The following ABCC9 variants were observed in gnomAD, a reference collection of about 807,000 sequenced individuals.
ABCC9 encodes the protein ATP binding cassette subfamily C member 9, also known as ATP-binding cassette sub-family C member 9.
ABCC9 carries 95 observed loss-of-function variants against 188.3 expected under a neutral mutation model. That is an observed-to-expected ratio of 0.50 (90% confidence interval 0.43 to 0.60). The LOEUF is 0.60. Ranked by LOEUF, ABCC9 falls within the 20% of genes least tolerant of loss-of-function variation. The pLI, the probability that ABCC9 is intolerant of heterozygous loss-of-function variation, is 0.00. For synonymous variants in ABCC9, 659 were observed against 652.7 expected, an observed-to-expected ratio of 1.01 and a Z score of -0.15; for missense variants, 1,102 against 1,876.3, an observed-to-expected ratio of 0.59 and a Z score of 7.62.
At chr12:21,882,265 G>A (rs753832868) in intron 16 of ABCC9, among the ~76,000 whole-genome samples, 7 of 152,114 alleles carry the variant, frequency 4.6e-5, no homozygotes, top group African/African-American at 1.4e-4. Context: ...CCCAACTCTC[G>A]GTTGCCTGTT....
rs142628035 is a variant in ABCC9 at position 21,868,362 on chromosome 12, G to A, written c.2199-3885C>T. Among the ~76,000 whole-genome samples, 1,087 of 152,242 alleles carry A rather than the reference G, an allele frequency of 7.1e-3. 12 individuals carry two copies. The highest frequency in any genetic ancestry group is 0.025 in the African/African-American group (1,037 of 41,530). On this transcript the variant is annotated intron_variant, in intron 18 of 39. Coordinates refer to ENST00000261200, the MANE Select transcript of ABCC9 (RefSeq NM_020297.4). Reference sequence around the variant, plus strand: ...ACATTCAAAAATAAAATTTATGGCCGGGCACGGTGGCTCACGCCTGTAATC... The same window carrying A: ...ACATTCAAAAATAAAATTTATGGCCAGGCACGGTGGCTCACGCCTGTAATC...
chr12:21,836,213 G>A (rs1459839644), intron 30 of ABCC9, among the ~76,000 whole-genome samples: 1 of 152,128 alleles, frequency 6.6e-6, no homozygotes, highest in Non-Finnish European at 1.5e-5. Context: ...CAGAGTTATT[G>A]TGATGAACAC....
intron 13 of ABCC9, among the ~76,000 whole-genome samples, chr12:21,894,437 T>C (rs191535951): frequency 7.2e-4 from 109 of 152,242 alleles, no homozygotes; most frequent in African/African-American, 2.6e-3. Flanking sequence ...CCCTGTCAGA[T>C]TGCTAAGTAG....
At chr12:21,899,418 C>A (rs1299104513) in intron 12 of ABCC9, among the ~76,000 whole-genome samples, 2 of 152,184 alleles carry the variant, frequency 1.3e-5, no homozygotes, top group Non-Finnish European at 2.9e-5. Flanking sequence ...GCATTTCCAA[C>A]TGAGGTACCA....
chr12:21,835,908 C>G (rs899996023), intron 30 of ABCC9, among the ~76,000 whole-genome samples: 34 of 152,158 alleles, frequency 2.2e-4, no homozygotes, highest in African/African-American at 8.0e-4. Flanking sequence ...CTCATGAACT[C>G]CTTCTCCAAT....
At chr12:21,881,053 T>C (rs1041280278) in intron 16 of ABCC9, among the ~76,000 whole-genome samples, 10 of 151,618 alleles carry the variant, frequency 6.6e-5, no homozygotes, top group Admixed American at 5.3e-4. Context: ...CACACACACA[T>C]ATACACATAT....
At chr12:21,926,842 G>A (rs1949065011) in intron 4 of ABCC9, among the ~76,000 whole-genome samples, 1 of 152,222 alleles carries the variant, frequency 6.6e-6, no homozygotes, top group African/African-American at 2.4e-5. Flanking sequence ...GAGATCACCA[G>A]GTGACCCAGT....
At chr12:21,840,292 A>G (rs1423773070) in intron 29 of ABCC9, among the ~76,000 whole-genome samples, 2 of 152,238 alleles carry the variant, frequency 1.3e-5, no homozygotes, top group African/African-American at 4.8e-5. Context: ...AAGAACCTCA[A>G]CATCTAGAAG....
chr12:21,895,146 A>G (rs1181374298), intron 13 of ABCC9, 129 bp downstream of exon 13: 9 of 773,048 alleles, frequency 1.2e-5, no homozygotes, highest in African/African-American at 8.8e-5. Flanking sequence ...AACTCTTGCA[A>G]TGGAGACTGC....
intron 33 of ABCC9, 142 bp downstream of exon 33, chr12:21,817,045 T>C (rs1942693939): frequency 2.2e-6 from 2 of 891,940 alleles, no homozygotes; most frequent in Admixed American, 2.0e-5. Flanking sequence ...CCGGTGTACA[T>C]AATCAAGCAA....
chr12:21,889,064 CT>C (rs1399343747), intron 14 of ABCC9, among the ~76,000 whole-genome samples: 1 of 152,134 alleles, frequency 6.6e-6, no homozygotes, highest in Non-Finnish European at 1.5e-5. Context: ...GTCTTCAGAA[CT>C]TGTTTTTTGT....
At chr12:21,887,700 T>G in intron 15 of ABCC9, 126 bp downstream of exon 15, 1 of 716,944 alleles carries the variant, frequency 1.4e-6, no homozygotes, top group Non-Finnish European at 2.5e-6. Context: ...AAGCAAGTCG[T>G]GATTTTTCTT....
At position 21,852,806 on chromosome 12, in the gene ABCC9, C is replaced by A. The variant is rs115100427; in HGVS notation, c.2506-301G>T. Among the ~76,000 whole-genome samples, 561 of 151,950 alleles carry A rather than the reference C, an allele frequency of 3.7e-3. 5 individuals are homozygous for A. The highest frequency in any genetic ancestry group is 0.011 in the African/African-American group (453 of 41,468). ...AAAAAAGGGCCAGGAGAAAAACAAA[C>A]AATGAAATAAAGTTAGAAGTGCCTG... is the stretch of plus-strand genomic sequence containing the variant. On this transcript the variant is annotated intron_variant, in intron 22 of 39. Coordinates refer to ENST00000261200, the MANE Select transcript of ABCC9 (RefSeq NM_020297.4).
intron 4 of ABCC9, 36 bp downstream of exon 4, chr12:21,933,746 A>G (rs1949376655): frequency 6.3e-7 from 1 of 1,583,588 alleles, no homozygotes; most frequent in Non-Finnish European, 8.7e-7. Context: ...ACCCACTGGT[A>G]TACTGCAGTG....
At chr12:21,815,268 C>T (rs1471973863) in intron 34 of ABCC9, among the ~76,000 whole-genome samples, 4 of 150,258 alleles carry the variant, frequency 2.7e-5, no homozygotes, top group African/African-American at 9.8e-5. Context: ...CATGTGATTG[C>T]CTTGTTTTTT....
intron 25 of ABCC9, among the ~76,000 whole-genome samples, 160 bp downstream of exon 25, chr12:21,847,990 C>A (rs979077391): frequency 1.3e-5 from 2 of 152,112 alleles, no homozygotes; most frequent in Admixed American, 6.6e-5. Context: ...TTACATCCAC[C>A]TTTCCTTGAC....
intron 12 of ABCC9, among the ~76,000 whole-genome samples, chr12:21,902,569 A>G (rs1019310344): frequency 6.6e-6 from 1 of 152,194 alleles, no homozygotes; most frequent in African/African-American, 2.4e-5. Flanking sequence ...ATGAGAAAAG[A>G]GAGAAGAATC....
At chr12:21,838,310 A>C in intron 29 of ABCC9, 140 bp from the exon 30 acceptor site, 1 of 703,604 alleles carries the variant, frequency 1.4e-6, no homozygotes, top group Non-Finnish European at 2.6e-6. Context: ...TCAATTAACA[A>C]AAACTTCAAC....
intron 31 of ABCC9, among the ~76,000 whole-genome samples, chr12:21,827,646 T>C (rs1313796436): frequency 1.3e-5 from 2 of 152,092 alleles, no homozygotes; most frequent in African/African-American, 4.8e-5. Flanking sequence ...AATAATGTTT[T>C]GGTTTTGTGA....
Sources: gnomAD v4.1 joint callset for allele counts (sites outside exome capture counted in the v4.1 genomes callset) on GRCh38, gnomAD v4.1.1 for gene constraint, MANE v1.5 for transcripts, NCBI Gene and HGNC (gene_info 2026-07-23, HGNC 2026-07-21) for gene names.